MGMT: variants seen among roughly 807,000 people sequenced by gnomAD.
MGMT encodes O-6-methylguanine-DNA methyltransferase.
In MGMT, 14 loss-of-function variants were observed where a neutral mutation model predicts 15.9. The observed-to-expected ratio is 0.88, with a 90% CI of 0.58 to 1.37. The LOEUF is 1.37. Among genes scored for constraint, MGMT ranks in the 40% most tolerant of loss-of-function variants. The pLI, the probability that MGMT is intolerant of heterozygous loss-of-function variation, is 0.00. For missense variants in MGMT, 282 were observed against 268.1 expected, an observed-to-expected ratio of 1.05 and a Z score of -0.36; for synonymous variants, 130 against 118.2, an observed-to-expected ratio of 1.10 and a Z score of -0.65.
intron 2 of MGMT, among the ~76,000 whole-genome samples, chr10:129,543,694 A>G (rs910140772): frequency 2.6e-5 from 4 of 152,216 alleles, no homozygotes; most frequent in Non-Finnish European, 5.9e-5. Flanking sequence ...TCTAAGAAAA[A>G]AAAAAGCAAT....
chr10:129,618,786 G>A lies in MGMT; in HGVS notation c.125+82409G>A, dbSNP rs1028542030. On this transcript the variant is annotated intron_variant, in intron 2 of 4. Transcript: ENST00000651593. The stretch of plus-strand genomic sequence containing the variant: ...GCTATATTTTTAGTTTCAATTCCCA[G>A]TATTTCTTTGCTAATGATGAGAATT... Among the ~76,000 whole-genome samples, 3 of 52,650 alleles carry A rather than the reference G, an allele frequency of 5.7e-5. No homozygotes were observed. The Admixed American group carries it at 6.8e-4, about 12-fold the overall frequency. The allele number at this position is 52,650 out of a possible 152,430, so 34.5% of individuals were successfully genotyped here.
intron 2 of MGMT, among the ~76,000 whole-genome samples, chr10:129,679,564 T>G (rs773775093): frequency 6.6e-6 from 1 of 152,196 alleles, no homozygotes; most frequent in Non-Finnish European, 1.5e-5. Context: ...AAAGTTTCTG[T>G]CTTGAATGAA....
At chr10:129,573,289 A>T (rs1846440975) in intron 2 of MGMT, among the ~76,000 whole-genome samples, 1 of 152,174 alleles carries the variant, frequency 6.6e-6, no homozygotes, top group South Asian at 2.1e-4. Flanking sequence ...TTTTTAAAAA[A>T]CTTTTAATTG....
chr10:129,675,108 G>A (rs765486964), intron 2 of MGMT, among the ~76,000 whole-genome samples: 18 of 152,296 alleles, frequency 1.2e-4, no homozygotes, highest in Non-Finnish European at 1.9e-4. Flanking sequence ...TGGGGGACCC[G>A]AGGAGGACCT....
chr10:129,755,592 C>A (rs1490376911), intron 3 of MGMT, among the ~76,000 whole-genome samples: 1 of 152,204 alleles, frequency 6.6e-6, no homozygotes. Flanking sequence ...CAGGTCACCA[C>A]CCATGGAGCT....
intron 2 of MGMT, among the ~76,000 whole-genome samples, chr10:129,589,442 C>G (rs369315826): frequency 3.6e-4 from 55 of 152,158 alleles, no homozygotes; most frequent in Non-Finnish European, 6.8e-4. Flanking sequence ...AAACTCAGGT[C>G]GAATTTGGAT....
intron 3 of MGMT, among the ~76,000 whole-genome samples, chr10:129,713,433 C>A (rs147467358): frequency 3.5e-4 from 53 of 152,260 alleles, no homozygotes; most frequent in African/African-American, 1.3e-3. Context: ...CCTTCTGGAA[C>A]CTTCACCAGG....
intron 2 of MGMT, among the ~76,000 whole-genome samples, chr10:129,538,628 TG>T (rs1424222370): frequency 1.3e-5 from 2 of 152,128 alleles, no homozygotes; most frequent in Non-Finnish European, 2.9e-5. Context: ...TCAAGTCTTT[TG>T]CCCATTTTTT....
At position 129,484,786 on chromosome 10, in the gene MGMT, GT is replaced by G. The variant is rs1845391761; in HGVS notation, c.-13+17491del. On this transcript the variant is annotated intron_variant, in intron 1 of 4. Transcript: ENST00000651593. Reference sequence around the variant, plus strand: ...TTGAAATTGTTTGTATCCTTTCAAGGTATCATGCTTTTTTTAAAAAAAGGTT... The same window carrying G: ...TTGAAATTGTTTGTATCCTTTCAAGGATCATGCTTTTTTTAAAAAAAGGTT... 7.2e-5 allele frequency among the ~76,000 whole-genome samples: 11 copies of G among 152,174 alleles called. No homozygotes were observed. The East Asian group carries it at 2.1e-3, about 29-fold the overall frequency.
chr10:129,662,925 A>G (rs1847616595), intron 2 of MGMT, among the ~76,000 whole-genome samples: 1 of 152,226 alleles, frequency 6.6e-6, no homozygotes, highest in African/African-American at 2.4e-5. Context: ...CCTACAGCAT[A>G]CGCAAAGAGA....
chr10:129,642,320 C>T (rs7475154), intron 2 of MGMT, among the ~76,000 whole-genome samples: 90,180 of 152,008 alleles, frequency 0.59, 27,918 homozygotes, highest in African/African-American at 0.78. Flanking sequence ...GGGGGAGCTT[C>T]TAAGTAAATC....
chr10:129,481,966 T>C (rs1364262286), intron 1 of MGMT, among the ~76,000 whole-genome samples: 1 of 152,196 alleles, frequency 6.6e-6, no homozygotes, highest in African/African-American at 2.4e-5. Flanking sequence ...GTTTGCTTTC[T>C]TTTTTGTAGT....
At chr10:129,667,746 C>A (rs1037475094) in intron 2 of MGMT, among the ~76,000 whole-genome samples, 5 of 152,220 alleles carry the variant, frequency 3.3e-5, no homozygotes, top group Non-Finnish European at 7.3e-5. Flanking sequence ...CTGCCTGTTG[C>A]TCCACTCGGG....
At chr10:129,744,276 G>A (rs1025982221) in intron 3 of MGMT, among the ~76,000 whole-genome samples, 5 of 152,254 alleles carry the variant, frequency 3.3e-5, no homozygotes, top group Non-Finnish European at 1.5e-5. Flanking sequence ...CGGGGCTGCT[G>A]TGGGTGTGCG....
At chr10:129,738,001 CT>C (rs1848584573) in intron 3 of MGMT, among the ~76,000 whole-genome samples, 1 of 152,232 alleles carries the variant, frequency 6.6e-6, no homozygotes. Context: ...TTACTGCTGT[CT>C]TTTTGTTGGT....
chr10:129,658,027 A>C (rs747704597), intron 2 of MGMT, among the ~76,000 whole-genome samples: 1 of 152,084 alleles, frequency 6.6e-6, no homozygotes, highest in Non-Finnish European at 1.5e-5. Flanking sequence ...AAGATCATCA[A>C]ATCTCTGGGG....
At chr10:129,554,347 A>G (rs779979441) in intron 2 of MGMT, among the ~76,000 whole-genome samples, 6 of 151,948 alleles carry the variant, frequency 3.9e-5, no homozygotes, top group African/African-American at 9.7e-5. Flanking sequence ...TTTTGTTTTC[A>G]TCGACATATT....
intron 1 of MGMT, among the ~76,000 whole-genome samples, chr10:129,489,024 C>T (rs977183795): frequency 1.2e-4 from 19 of 152,186 alleles, no homozygotes; most frequent in South Asian, 4.1e-4. Context: ...TCTGTACTAA[C>T]GCCACAATGC....
At chr10:129,646,754 A>ATATATATATTTTCTTTTTTTTTT in intron 2 of MGMT, among the ~76,000 whole-genome samples, 1 of 86,678 alleles carries the variant, frequency 1.2e-5, no homozygotes, top group Admixed American at 1.2e-4. Flanking sequence ...ATATATATAT[A>ATATATATATTTTCTTTTTTTTTT]TTTTCAGGGA....
Sources: allele counts gnomAD v4.1 joint callset (sites outside exome capture counted in the v4.1 genomes callset), GRCh38; gene constraint gnomAD v4.1.1; transcripts MANE v1.5; gene names NCBI Gene and HGNC (gene_info 2026-07-23, HGNC 2026-07-21).